The following CCDC66 variants were observed in gnomAD, a reference collection of about 807,000 sequenced individuals.
CCDC66 encodes coiled-coil domain containing 66.
In CCDC66, 133 loss-of-function variants were observed where a neutral mutation model predicts 128.3. The ratio of observed to expected loss-of-function variants is 1.04; its 90% CI spans 0.90 to 1.20. CCDC66 has a LOEUF of 1.20. Ranked by LOEUF, CCDC66 falls within the 50% of genes most tolerant of loss-of-function variation. The pLI is 0.00. For missense variants in CCDC66, 1,126 were observed against 1,075.5 expected (o/e 1.05, Z -0.66); for synonymous variants, 387 against 357.0 (o/e 1.08, Z -0.95).
intron 7 of CCDC66, among the ~76,000 whole-genome samples, chr3:56,582,070 G>A (rs534115304): frequency 9.2e-5 from 14 of 151,994 alleles, no homozygotes; most frequent in Non-Finnish European, 1.2e-4. Context: ...CACCCAGTCC[G>A]AGCTTCCTGG....
Position 56,617,904 on chromosome 3 carries a change from T to TG in CCDC66, c.2338-268_2338-267insG, listed in dbSNP as rs1352485930. ...TTATGCTTATCGAGTCCTTTACACT[T>TG]ACACAACTTCTGTAGATGGATGCTG... On this transcript the variant is annotated intron_variant, in intron 14 of 17. Coordinates refer to ENST00000394672, the MANE Select transcript of CCDC66 (RefSeq NM_001141947.3). 4 of 570,488 alleles carry TG rather than the reference T, an allele frequency of 7.0e-6. No homozygotes were observed. The Admixed American group carries it at 1.3e-4, about 19-fold the overall frequency. The allele number at this position is 570,488 out of a possible 1,614,324, so 35.3% of individuals were successfully genotyped here. A position where few individuals can be genotyped will look rare whatever the true frequency, so the allele number is the denominator to read the frequency against.
chr3:56,585,796 T>TA (rs1435923807), intron 7 of CCDC66, among the ~76,000 whole-genome samples: 1 of 151,892 alleles, frequency 6.6e-6, no homozygotes, highest in Non-Finnish European at 1.5e-5. Context: ...CCTGAATAAT[T>TA]ACATAAAATA....
chr3:56,568,161 A>G (rs757221331), intron 6 of CCDC66, among the ~76,000 whole-genome samples: 2 of 152,228 alleles, frequency 1.3e-5, no homozygotes, highest in African/African-American at 4.8e-5. Context: ...GATTTTCTCT[A>G]CAGATGCAAA....
chr3:56,595,124 A>G (rs901700582), intron 10 of CCDC66, among the ~76,000 whole-genome samples: 10 of 152,326 alleles, frequency 6.6e-5, no homozygotes, highest in African/African-American at 1.9e-4. Context: ...AAAAATTGAT[A>G]TATAATGTTT....
At chr3:56,574,524 A>G (rs2067107676) in intron 7 of CCDC66, among the ~76,000 whole-genome samples, 2 of 151,824 alleles carry the variant, frequency 1.3e-5, no homozygotes, top group South Asian at 2.1e-4. Flanking sequence ...AGCCACAACT[A>G]TTTATACTAT....
At chr3:56,618,379 C>T in intron 15 of CCDC66, 167 bp downstream of exon 15, 1 of 576,070 alleles carries the variant, frequency 1.7e-6, no homozygotes, top group Non-Finnish European at 3.0e-6. Flanking sequence ...GGCACTTTAG[C>T]AGGAGCTTGA....
intron 10 of CCDC66, 23 bp from the exon 11 acceptor site, chr3:56,613,565 AT>A (rs2075129156): frequency 6.2e-7 from 1 of 1,602,740 alleles, no homozygotes; most frequent in Admixed American, 1.8e-5. Flanking sequence ...TTTGACAATG[AT>A]TTACGTGATT....
intron 11 of CCDC66, 43 bp downstream of exon 11, chr3:56,613,793 G>T: frequency 6.5e-7 from 1 of 1,540,632 alleles, no homozygotes; most frequent in Non-Finnish European, 8.9e-7. Context: ...TTTTGTTTGT[G>T]TTTTTGAGAC....
intron 7 of CCDC66, among the ~76,000 whole-genome samples, chr3:56,574,827 A>G (rs1343301135): frequency 2.0e-5 from 3 of 151,872 alleles, no homozygotes; most frequent in Non-Finnish European, 4.4e-5. Context: ...TTCACTTAGC[A>G]TAATGTCCTC....
rs1461039448 is a variant in CCDC66, at chr3:56,559,552, T to A, written c.77-17T>A. 1.3e-6 allele frequency: 2 copies of A among 1,511,240 alleles called. No homozygotes were observed. Among genetic ancestry groups the A allele is most frequent in the Non-Finnish European group, 1.8e-6 (2 of 1,118,918 alleles). 93.6% of individuals were successfully genotyped at this position (1,511,240 alleles called of 1,614,324 possible). On this transcript the variant is annotated splice_polypyrimidine_tract_variant and intron_variant, in intron 2 of 17. Transcript: ENST00000394672. ...GCTTTTGGTGGATAGTTTAGTAATT[T>A]CTTTTTTCTTTTGTAGAACATAAAT...
At chr3:56,576,375 T>TA (rs937944049) in intron 7 of CCDC66, among the ~76,000 whole-genome samples, 5 of 151,468 alleles carry the variant, frequency 3.3e-5, no homozygotes, top group Admixed American at 6.7e-5. Flanking sequence ...ATGGGATTTT[T>TA]AAAAAAAATT....
intron 3 of CCDC66, among the ~76,000 whole-genome samples, chr3:56,563,315 C>T (rs560506716): frequency 3.1e-4 from 47 of 150,722 alleles, no homozygotes; most frequent in African/African-American, 1.0e-3. Flanking sequence ...GAGCTGAGAT[C>T]GTGCTGTTGC....
At chr3:56,590,256 C>T (rs887366335) in intron 7 of CCDC66, among the ~76,000 whole-genome samples, 1 of 152,196 alleles carries the variant, frequency 6.6e-6, no homozygotes, top group Non-Finnish European at 1.5e-5. Context: ...GGGAGAATTA[C>T]ATGAAATGGA....
intron 10 of CCDC66, among the ~76,000 whole-genome samples, chr3:56,604,999 T>G (rs2073861903): frequency 6.6e-6 from 1 of 152,038 alleles, no homozygotes; most frequent in Non-Finnish European, 1.5e-5. Context: ...ATCTTGTCTT[T>G]TTGCTGTATT....
chr3:56,599,841 G>A (rs912929649), intron 10 of CCDC66, among the ~76,000 whole-genome samples: 9 of 152,042 alleles, frequency 5.9e-5, no homozygotes, highest in African/African-American at 2.2e-4. Flanking sequence ...CTAATGAAAA[G>A]AATGTGTATT....
In CCDC66 at chr3:56,617,100, A is replaced by G. The variant is rs377763602; in HGVS notation, c.1844-12A>G. ...TTACAATTTTTAAAAATCATTTGCAACTTTTTTTTAGATGACTTAAATATA... is the reference window on the plus strand; with the variant it reads ...TTACAATTTTTAAAAATCATTTGCAGCTTTTTTTTAGATGACTTAAATATA... On this transcript the variant is annotated splice_polypyrimidine_tract_variant and intron_variant, in intron 13 of 17. Transcript: ENST00000394672. 7.3e-6 allele frequency: 11 copies of G among 1,505,742 alleles called. No homozygotes were observed. In the East Asian group the frequency reaches 2.3e-4, roughly 32 times the overall value. The allele number at this position is 1,505,742 out of a possible 1,614,324, so 93.3% of individuals were successfully genotyped here.
chr3:56,559,526 T>A, intron 2 of CCDC66, 43 bp from the exon 3 acceptor site: 2 of 1,365,778 alleles, frequency 1.5e-6, no homozygotes, highest in Non-Finnish European at 2.0e-6. Flanking sequence ...CACCTTAGTA[T>A]GCTTTTGGTG....
chr3:56,557,337 T>G (rs989338955), intron 1 of CCDC66, 84 bp downstream of exon 1: 1 of 1,508,984 alleles, frequency 6.6e-7, no homozygotes, highest in African/African-American at 1.4e-5. Context: ...GGGTTGTCCC[T>G]TGGAGTCTTT....
chr3:56,609,369 A>C (rs1230810482), intron 10 of CCDC66, among the ~76,000 whole-genome samples: 2 of 152,050 alleles, frequency 1.3e-5, no homozygotes, highest in African/African-American at 4.8e-5. Flanking sequence ...TCTTTTAACC[A>C]CTGTTGCTTT....
Sources: allele counts gnomAD v4.1 joint callset (sites outside exome capture counted in the v4.1 genomes callset), GRCh38; gene constraint gnomAD v4.1.1; transcripts MANE v1.5; gene names NCBI Gene and HGNC (gene_info 2026-07-23, HGNC 2026-07-21).